EIF4B: variants seen among roughly 807,000 people sequenced by gnomAD.
EIF4B encodes the protein eukaryotic translation initiation factor 4B.
Under a neutral mutation model 79.3 loss-of-function variants are expected in EIF4B, and 8 were observed. The ratio of observed to expected loss-of-function variants is 0.10; its 90% CI spans 0.06 to 0.18. The LOEUF is 0.18. Among genes scored for constraint, EIF4B ranks in the 10% least tolerant of loss-of-function variants. The pLI, the probability that EIF4B is intolerant of heterozygous loss-of-function variation, is 1.00. For missense variants in EIF4B, 515 were observed against 792.4 expected, an observed-to-expected ratio of 0.65 and a Z score of 4.20; for synonymous variants, 238 against 274.7, an observed-to-expected ratio of 0.87 and a Z score of 1.32.
At chr12:53,035,086 TATC>T (rs564259907) in intron 10 of EIF4B, among the ~76,000 whole-genome samples, 217 of 152,220 alleles carry the variant, frequency 1.4e-3, no homozygotes, top group African/African-American at 4.9e-3. Context: ...TTTTTGATGT[TATC>T]ATCACCAGAG....
At chr12:53,022,364 G>A (rs1943259861) in intron 5 of EIF4B, 129 bp from the exon 6 acceptor site, 1 of 1,331,258 alleles carries the variant, frequency 7.5e-7, no homozygotes, top group Non-Finnish European at 1.1e-6. Context: ...TATGGGGCCT[G>A]AGGTAACTGG....
At chr12:53,019,431 A>ATTTTTTTTTTT (rs1555151903) in intron 3 of EIF4B, among the ~76,000 whole-genome samples, 2 of 35,158 alleles carry the variant, frequency 5.7e-5, no homozygotes, top group Non-Finnish European at 1.8e-4. Flanking sequence ...AATTATATAT[A>ATTTTTTTTTTT]TATATATTTT....
At chr12:53,038,559 A>G (rs1170559866) in intron 12 of EIF4B, 148 bp downstream of exon 12, 1 of 557,422 alleles carries the variant, frequency 1.8e-6, no homozygotes, top group African/African-American at 1.9e-5. Context: ...TCACACCTGT[A>G]ATCCCAGCAC....
chr12:53,007,290 C>A (rs920918927), intron 1 of EIF4B, among the ~76,000 whole-genome samples: 4 of 152,076 alleles, frequency 2.6e-5, no homozygotes, highest in South Asian at 2.1e-4. Context: ...CCTAGATTTC[C>A]TTCTAGGCTT....
At chr12:53,037,926 T>C (rs1257510557) in intron 11 of EIF4B, 1 of 380,650 alleles carries the variant, frequency 2.6e-6, no homozygotes, top group African/African-American at 2.1e-5. Flanking sequence ...GGTAACTTCC[T>C]TTCATTTCTC....
chr12:53,037,415 G>A lies in EIF4B; in HGVS notation c.1313G>A (p.Arg438Gln), dbSNP rs370487271. 80 of 1,611,342 alleles carry A rather than the reference G, an allele frequency of 5.0e-5. No homozygotes were observed. The highest frequency in any genetic ancestry group is 6.4e-5 in the Non-Finnish European group (75 of 1,179,386). Residue 438 changes from arginine to glutamine, a missense_variant, in exon 11 of 15, where the codon CGA becomes CAA. By Grantham distance (43) the Arg-to-Gln change is conservative. This residue lies in a region of EIF4B where 146 missense variants were observed against 228.0 expected (regional missense o/e 0.64). Transcript: ENST00000262056. ...TTTCACTCTGGCTTCACAGATGCACGAAGGAGAGAGAGTGAGAAGTCTCTA... is the reference window on the plus strand; with the variant it reads ...TTTCACTCTGGCTTCACAGATGCACAAAGGAGAGAGAGTGAGAAGTCTCTA... ...GTSTTSSRNA[R>Q]RRESEKSLEN...
At chr12:53,030,674 T>C (rs1226069484) in intron 8 of EIF4B, among the ~76,000 whole-genome samples, 1 of 151,982 alleles carries the variant, frequency 6.6e-6, no homozygotes, top group African/African-American at 2.4e-5. Context: ...CCTCCCAAAG[T>C]GCTGGGATTA....
At chr12:53,030,410 A>G (rs796999577) in intron 8 of EIF4B, among the ~76,000 whole-genome samples, 1 of 34,196 alleles carries the variant, frequency 2.9e-5, no homozygotes, top group African/African-American at 6.0e-5. Context: ...AAAAAATTAT[A>G]TTCTTTTTTT....
At chr12:53,033,347 C>A (rs11613583) in intron 8 of EIF4B, among the ~76,000 whole-genome samples, 2 of 76,564 alleles carry the variant, frequency 2.6e-5, no homozygotes, top group Non-Finnish European at 5.8e-5. Flanking sequence ...TTTTTTTTTT[C>A]TTTTTTTTAT....
chr12:53,042,130 G>A lies in EIF4B; in HGVS notation c.*1907G>A, dbSNP rs1943650648. On this transcript the variant is annotated 3_prime_UTR_variant, in exon 15 of 15. Transcript: ENST00000262056. ...TGTAATCTGTAGACTTATTACCTGG[G>A]AGATGTCTTGATGTAAAATCCCATC... 2 of 152,588 alleles carry A rather than the reference G, an allele frequency of 1.3e-5. No individual in the cohort carries two copies. The highest frequency in any genetic ancestry group is 6.5e-5 in the Admixed American group (1 of 15,280). The allele number at this position is 152,588 out of a possible 1,614,324, so 9.5% of individuals were successfully genotyped here. A position where few individuals can be genotyped will look rare whatever the true frequency, so the allele number is the denominator to read the frequency against.
At chr12:53,007,413 T>C (rs932283947) in intron 1 of EIF4B, among the ~76,000 whole-genome samples, 25 of 147,042 alleles carry the variant, frequency 1.7e-4, no homozygotes, top group African/African-American at 5.9e-4. Context: ...CAATGGTAGA[T>C]TTCAGCCTTT....
At chr12:53,022,389 G>A (rs1448761305) in intron 5 of EIF4B, 104 bp from the exon 6 acceptor site, 9 of 1,517,198 alleles carry the variant, frequency 5.9e-6, no homozygotes, top group South Asian at 4.6e-5. Flanking sequence ...ACAGTGTGAC[G>A]TGAAAGTGAA....
At position 53,039,384 on chromosome 12, in the gene EIF4B, G is replaced by A. The variant is rs765378323; in HGVS notation, c.1682+41G>A. 1.4e-5 allele frequency: 21 copies of A among 1,470,228 alleles called. No homozygotes were observed. The Middle Eastern group carries it at 8.7e-4, about 61-fold the overall frequency. 91.1% of individuals were successfully genotyped at this position (1,470,228 alleles called of 1,614,324 possible). On this transcript the variant is annotated intron_variant, in intron 13 of 14. Coordinates refer to ENST00000262056, the MANE Select transcript of EIF4B (RefSeq NM_001417.7). ...TTCTCATCTTTCCTCTGATCCACATGTTTGTGTAATTAAGAAATTAAGTTC... is the reference window on the plus strand; with the variant it reads ...TTCTCATCTTTCCTCTGATCCACATATTTGTGTAATTAAGAAATTAAGTTC...
rs1943368890 is a variant in EIF4B at position 53,028,015 on chromosome 12, G to T, written c.806G>T (p.Gly269Val). The T allele has an allele frequency of 6.2e-7, 1 of 1,610,464 alleles. No homozygotes were observed. Among genetic ancestry groups the T allele is most frequent in the South Asian group, 1.1e-5 (1 of 90,690 alleles). ...DDRGSRDYDR[G>V]YDSRIGSGRR... is the part of the protein sequence containing the mutation. ...ATTATAATTTGGGATATATTTACAGGCTATGATTCCCGGATAGGCAGTGGC... is the reference window on the plus strand; with the variant it reads ...ATTATAATTTGGGATATATTTACAGTCTATGATTCCCGGATAGGCAGTGGC... The change falls in exon 8 of 15, where the codon GGC becomes GTC. Residue 269 changes from glycine to valine, a missense_variant and splice_region_variant. Physicochemically the swap from Gly to Val is moderately radical, Grantham distance 109. Transcript: ENST00000262056.
intron 1 of EIF4B, among the ~76,000 whole-genome samples, chr12:53,010,395 A>G (rs1460109355): frequency 6.6e-6 from 1 of 152,148 alleles, no homozygotes; most frequent in Non-Finnish European, 1.5e-5. Context: ...CCGGATAGTA[A>G]ATGCATTTTT....
In EIF4B at chr12:53,040,186, G is replaced by A; in HGVS notation, c.1799G>A (p.Gly600Asp). ...ASKYAALSVD[G>D]EDENEGEDYA... ...AAGTATGCTGCTCTCTCTGTTGATG[G>A]TGAAGATGAAAATGAGGGAGAAGAT... is the stretch of plus-strand genomic sequence containing the variant. The change falls in exon 15 of 15, where the codon GGT (glycine) becomes GAT (aspartate). Residue 600 changes from glycine to aspartate, a missense_variant. Physicochemically the swap from Gly to Asp is moderately conservative, Grantham distance 94. This residue lies in a region of EIF4B where 60 missense variants were observed against 56.7 expected (regional missense o/e 1.06). Coordinates refer to ENST00000262056, the MANE Select transcript of EIF4B (RefSeq NM_001417.7). The A allele has an allele frequency of 6.2e-7, 1 of 1,614,110 alleles. No homozygotes were observed. The highest frequency in any genetic ancestry group is 8.5e-7 in the Non-Finnish European group (1 of 1,180,002).
intron 6 of EIF4B, among the ~76,000 whole-genome samples, chr12:53,022,951 G>T (rs1054909785): frequency 8.6e-5 from 13 of 152,044 alleles, no homozygotes; most frequent in African/African-American, 3.1e-4. Flanking sequence ...ATTGCTTAAG[G>T]CCAGGAGTTT....
intron 10 of EIF4B, 86 bp downstream of exon 10, chr12:53,034,795 T>A: frequency 6.9e-7 from 1 of 1,457,874 alleles, no homozygotes; most frequent in Non-Finnish European, 9.6e-7. Context: ...CTGCAATATT[T>A]AAATTCAGTC....
chr12:53,035,850 G>A (rs1020619501), intron 10 of EIF4B, among the ~76,000 whole-genome samples: 2 of 151,088 alleles, frequency 1.3e-5, no homozygotes, highest in African/African-American at 4.9e-5. Context: ...ATGGAGTCTC[G>A]CTCTGTTACC....
Sources: gnomAD v4.1 joint callset for allele counts (sites outside exome capture counted in the v4.1 genomes callset) on GRCh38, gnomAD v4.1.1 for gene constraint, gnomAD v4.1.1 regional missense constraint, MANE v1.5 for transcripts, NCBI Gene and HGNC (gene_info 2026-07-23, HGNC 2026-07-21) for gene names.